SH3PXD2A: variants seen among roughly 807,000 people sequenced by gnomAD.
The protein encoded by SH3PXD2A is SH3 and PX domains 2A, also known as SH3 and PX domain-containing protein 2A.
SH3PXD2A carries 32 observed loss-of-function variants against 115.2 expected under a neutral mutation model. The observed-to-expected ratio is 0.28, with a 90% CI of 0.21 to 0.37. SH3PXD2A has a LOEUF of 0.37. SH3PXD2A is among the 10% of genes least tolerant of loss of function. SH3PXD2A has a pLI of 1.00. For synonymous variants in SH3PXD2A, 610 were observed against 629.1 expected, an observed-to-expected ratio of 0.97 and a Z score of 0.45; for missense variants, 1,328 against 1,498.7, an observed-to-expected ratio of 0.89 and a Z score of 1.88.
rs372419563 is a variant in SH3PXD2A at position 103,743,817 on chromosome 10, A to C, written c.230-8009T>G. 8.5e-5 allele frequency among the ~76,000 whole-genome samples: 13 copies of C among 152,354 alleles called. No individual in the cohort carries two copies. In the East Asian group the frequency reaches 2.5e-3, roughly 29 times the overall value. On this transcript the variant is annotated intron_variant, in intron 3 of 14. Coordinates refer to ENST00000369774, the MANE Select transcript of SH3PXD2A (RefSeq NM_001394015.1). Reference sequence around the variant, plus strand: ...GCAGAATCAGAATTTAGTTTCTTTAAGATTTTCGTCAAGATATATCAACTT... The same window carrying C: ...GCAGAATCAGAATTTAGTTTCTTTACGATTTTCGTCAAGATATATCAACTT...
chr10:103,806,002 A>C (rs1273651822), intron 1 of SH3PXD2A, among the ~76,000 whole-genome samples: 3 of 152,246 alleles, frequency 2.0e-5, no homozygotes, highest in Non-Finnish European at 2.9e-5. Flanking sequence ...CTTGCCGGCC[A>C]CAGCCACCCG....
chr10:103,627,406 C>T lies in SH3PXD2A; in HGVS notation c.605-204G>A, dbSNP rs995188625. Among the ~76,000 whole-genome samples, 5 of 152,190 alleles carry T rather than the reference C, an allele frequency of 3.3e-5. 1 individual carries two copies. Among genetic ancestry groups the T allele is most frequent in the East Asian group, 3.8e-4 (2 of 5,196 alleles). On this transcript the variant is annotated intron_variant, in intron 8 of 14. Transcript: ENST00000369774. This position sits in a 1 kb window ranked among gnomAD's most constrained non-coding sequence, Gnocchi z 4.4. ...AGGCAGAAACGACCAGCACACTTCC[C>T]GAGAAGTGGGACCAATAAACTGTGA...
At position 103,795,936 on chromosome 10, in the gene SH3PXD2A, A is replaced by AAGGAAGGAAGGC. The variant is rs1176136573; in HGVS notation, c.153+5345_153+5346insGCCTTCCTTCCT. Reference sequence around the variant, plus strand: ...GAAGGAAGGAAGGAAGGAAGGCAGGAAGGAAGGAAGGAAGGAAGGAAACCA... The same window carrying AAGGAAGGAAGGC: ...GAAGGAAGGAAGGAAGGAAGGCAGGAAGGAAGGAAGGCAGGAAGGAAGGAAGGAAGGAAACCA... On this transcript the variant is annotated intron_variant, in intron 2 of 14. Coordinates refer to ENST00000369774, the MANE Select transcript of SH3PXD2A (RefSeq NM_001394015.1). Among the ~76,000 whole-genome samples the AAGGAAGGAAGGC allele has an allele frequency of 2.0e-4, 30 of 149,964 alleles. 1 individual carries two copies. The highest frequency in any genetic ancestry group is 5.9e-4 in the African/African-American group (24 of 40,874).
In SH3PXD2A at chr10:103,599,371, G is replaced by A. The variant is rs2036183656; in HGVS notation, c.*2445C>T. On this transcript the variant is annotated 3_prime_UTR_variant, in exon 15 of 15. Transcript: ENST00000369774. The stretch of plus-strand genomic sequence containing the variant: ...TGGTCCAGTCCAACTGAGATGCTCT[G>A]TGCTTGGCAGACATGCTCTGCACTC... 1 of 152,710 alleles carries A rather than the reference G, an allele frequency of 6.5e-6. No individual in the cohort carries two copies. Among genetic ancestry groups the A allele is most frequent in the South Asian group, 2.1e-4 (1 of 4,818 alleles). 9.5% of individuals were successfully genotyped at this position (152,710 alleles called of 1,614,324 possible).
At chr10:103,723,587 T>C (rs538279681) in intron 5 of SH3PXD2A, among the ~76,000 whole-genome samples, 1 of 152,224 alleles carries the variant, frequency 6.6e-6, no homozygotes, top group African/African-American at 2.4e-5. Context: ...TCTCCAAACA[T>C]GGAAACATTA....
chr10:103,820,733 CG>C (rs1302300364), intron 1 of SH3PXD2A, among the ~76,000 whole-genome samples: 1 of 146,240 alleles, frequency 6.8e-6, no homozygotes, highest in East Asian at 2.3e-4. Context: ...AGATAAGGGG[CG>C]GGGGGGTTGG....
intron 10 of SH3PXD2A, 83 bp downstream of exon 10, chr10:103,622,387 G>C (rs892474662): frequency 3.3e-6 from 3 of 915,196 alleles, no homozygotes; most frequent in East Asian, 2.6e-5. Context: ...ACAGGGCAGA[G>C]AGCAGAGCCC....
intron 6 of SH3PXD2A, among the ~76,000 whole-genome samples, chr10:103,685,066 G>A (rs1291338879): frequency 6.9e-6 from 1 of 145,700 alleles, no homozygotes; most frequent in Non-Finnish European, 1.5e-5. Context: ...GGCCAGTCAT[G>A]GTGGTTCACA....
At chr10:103,645,635 C>A (rs2037024631) in intron 8 of SH3PXD2A, among the ~76,000 whole-genome samples, 1 of 152,126 alleles carries the variant, frequency 6.6e-6, no homozygotes, top group African/African-American at 2.4e-5. Flanking sequence ...CAGGAACGGG[C>A]CGACATTCCT....
At chr10:103,805,410 G>T (rs2039192074) in intron 1 of SH3PXD2A, among the ~76,000 whole-genome samples, 1 of 152,192 alleles carries the variant, frequency 6.6e-6, no homozygotes, top group African/African-American at 2.4e-5. Flanking sequence ...TCTATACAAA[G>T]GACACAACCT....
chr10:103,663,091 C>T (rs1407388234), intron 7 of SH3PXD2A, among the ~76,000 whole-genome samples: 1 of 152,228 alleles, frequency 6.6e-6, no homozygotes, highest in East Asian at 1.9e-4. Context: ...AGGCATAGGC[C>T]ACTGCGACTG....
Position 103,792,205 on chromosome 10 carries a change from A to G in SH3PXD2A, c.153+9077T>C, listed in dbSNP as rs559753174. Among the ~76,000 whole-genome samples the G allele has an allele frequency of 1.4e-4, 21 of 152,388 alleles. No homozygotes were observed. In the South Asian group the frequency reaches 4.3e-3, roughly 32 times the overall value. On this transcript the variant is annotated intron_variant, in intron 2 of 14. Coordinates refer to ENST00000369774, the MANE Select transcript of SH3PXD2A (RefSeq NM_001394015.1). ...AGGAGCAAGGAAAAGCTGTCAACTA[A>G]TAATTACTTTTTAAAAAACAATGTT...
At chr10:103,730,019 A>T (rs145739203) in intron 4 of SH3PXD2A, among the ~76,000 whole-genome samples, 58 of 152,306 alleles carry the variant, frequency 3.8e-4, no homozygotes, top group South Asian at 8.3e-4. Context: ...TGGTCTTTGC[A>T]CATGCAAGTG....
intron 8 of SH3PXD2A, among the ~76,000 whole-genome samples, chr10:103,641,685 T>C (rs1303550067): frequency 6.6e-6 from 1 of 152,172 alleles, no homozygotes; most frequent in African/African-American, 2.4e-5. Context: ...TCCACTGGTG[T>C]CTACGAAGCC....
At chr10:103,608,325 C>T (rs1182734845) in intron 13 of SH3PXD2A, among the ~76,000 whole-genome samples, 2 of 149,600 alleles carry the variant, frequency 1.3e-5, no homozygotes, top group East Asian at 3.9e-4. Context: ...CCCTGATCTC[C>T]TCGCCCCTAG....
intron 5 of SH3PXD2A, among the ~76,000 whole-genome samples, chr10:103,706,416 G>A (rs2037981293): frequency 6.6e-6 from 1 of 152,146 alleles, no homozygotes; most frequent in African/African-American, 2.4e-5. Context: ...TGCTGTCCTG[G>A]GCCCCAGCTC....
chr10:103,629,788 G>A (rs1009725897), intron 8 of SH3PXD2A, among the ~76,000 whole-genome samples: 4 of 152,218 alleles, frequency 2.6e-5, no homozygotes, highest in African/African-American at 9.6e-5. Flanking sequence ...CCAGGGCTCT[G>A]TCTCCATGAG....
intron 1 of SH3PXD2A, among the ~76,000 whole-genome samples, chr10:103,844,238 G>A (rs953564550): frequency 6.6e-6 from 1 of 152,166 alleles, no homozygotes. Flanking sequence ...TCCCTTCTGG[G>A]TGCCAGGCAC....
Position 103,701,110 on chromosome 10 carries a change from TCCAGCCATCCA to T in SH3PXD2A, c.399-8065_399-8055del, listed in dbSNP as rs2037891977. ...CCATTTACCATCTATCCATCTACCA[TCCAGCCATCCA>T]TCATCCATCCATCATCCATCCACTA... On this transcript the variant is annotated intron_variant, in intron 5 of 14. Transcript: ENST00000369774. Among the ~76,000 whole-genome samples the T allele has an allele frequency of 4.7e-5, 3 of 64,142 alleles. 1 individual carries two copies. The highest frequency in any genetic ancestry group is 2.2e-4 in the African/African-American group (3 of 13,898). 42.1% of individuals were successfully genotyped at this position (64,142 alleles called of 152,430 possible).
Sources: gnomAD v4.1 joint callset for allele counts (sites outside exome capture counted in the v4.1 genomes callset) on GRCh38, gnomAD v4.1.1 for gene constraint, Gnocchi (gnomAD v3.1) non-coding constraint, MANE v1.5 for transcripts, NCBI Gene and HGNC (gene_info 2026-07-23, HGNC 2026-07-21) for gene names.